TMEM248: variants seen among roughly 807,000 people sequenced by gnomAD.
TMEM248 encodes transmembrane protein 248.
Under a neutral mutation model 30.3 loss-of-function variants are expected in TMEM248, and 9 were observed. That is an observed-to-expected ratio of 0.30 (90% CI 0.18 to 0.52). TMEM248 has a LOEUF of 0.52. Ranked by LOEUF, TMEM248 falls within the 20% of genes least tolerant of loss-of-function variation. TMEM248 has a pLI of 0.97. For synonymous variants in TMEM248, 184 were observed against 154.4 expected, an observed-to-expected ratio of 1.19 and a Z score of -1.42; for missense variants, 338 against 403.3, an observed-to-expected ratio of 0.84 and a Z score of 1.39.
chr7:66,936,818 A>G (rs1348715461), intron 1 of TMEM248, among the ~76,000 whole-genome samples: 1 of 151,934 alleles, frequency 6.6e-6, no homozygotes, highest in Non-Finnish European at 1.5e-5. Context: ...TTCATGTCTG[A>G]TACTATTTCT....
At chr7:66,953,488 C>G in intron 6 of TMEM248, 119 bp downstream of exon 6, 1 of 1,346,750 alleles carries the variant, frequency 7.4e-7, no homozygotes, top group Non-Finnish European at 1.0e-6. Context: ...AAATGACAGT[C>G]ATCCCTTGGT....
chr7:66,931,664 G>GAC lies in TMEM248; in HGVS notation c.-18-10183_-18-10182dup, dbSNP rs2129221532. On this transcript the variant is annotated intron_variant, in intron 1 of 6. Coordinates refer to ENST00000341567, the MANE Select transcript of TMEM248 (RefSeq NM_017994.5). Reference sequence around the variant, plus strand: ...TTATTAAAAAATTGTTTTTTGTAGAGACGGGGTCTTGTTGTGTTGGCCAGG... The same window carrying GAC: ...TTATTAAAAAATTGTTTTTTGTAGAGACACGGGGTCTTGTTGTGTTGGCCAGG... Among the ~76,000 whole-genome samples, 4 of 151,924 alleles carry GAC rather than the reference G, an allele frequency of 2.6e-5. 1 individual carries two copies. In the South Asian group the frequency reaches 8.3e-4, roughly 32 times the overall value.
At chr7:66,943,761 G>A (rs923849731) in intron 2 of TMEM248, among the ~76,000 whole-genome samples, 19 of 151,898 alleles carry the variant, frequency 1.3e-4, no homozygotes, top group African/African-American at 4.3e-4. Flanking sequence ...TGTAAGGGTA[G>A]ACTTACTGGG....
intron 4 of TMEM248, among the ~76,000 whole-genome samples, chr7:66,949,141 TAAAA>T (rs530357268): frequency 1.5e-5 from 2 of 130,858 alleles, no homozygotes; most frequent in African/African-American, 2.8e-5. Flanking sequence ...TGTCTCTATT[TAAAA>T]AAAAAAAAAA....
intron 2 of TMEM248, 116 bp from the exon 3 acceptor site, chr7:66,944,860 T>C (rs921460630): frequency 3.2e-5 from 34 of 1,068,458 alleles, no homozygotes; most frequent in Non-Finnish European, 4.5e-5. Flanking sequence ...AATGATCAGC[T>C]CTGAATTGTA....
At chr7:66,937,253 T>C (rs982297692) in intron 1 of TMEM248, among the ~76,000 whole-genome samples, 6 of 152,240 alleles carry the variant, frequency 3.9e-5, no homozygotes, top group African/African-American at 1.2e-4. Flanking sequence ...TGATTTCTAG[T>C]TTTATTCCAT....
chr7:66,956,407 C>A lies in TMEM248; in HGVS notation c.*885C>A, dbSNP rs756872748. The A allele has an allele frequency of 3.3e-5, 5 of 152,174 alleles. No individual in the cohort carries two copies. The highest frequency in any genetic ancestry group is 5.9e-5 in the Non-Finnish European group (4 of 68,040). 9.4% of individuals were successfully genotyped at this position (152,174 alleles called of 1,614,324 possible). A position where few individuals can be genotyped will look rare whatever the true frequency, so the allele number is the denominator to read the frequency against. ...TCTAGAGTTAGAGTGACTGTTTGCT[C>A]TTCTGCTTTCTGGAATGCAGATGAC... On this transcript the variant is annotated 3_prime_UTR_variant, in exon 7 of 7. Coordinates refer to ENST00000341567, the MANE Select transcript of TMEM248 (RefSeq NM_017994.5).
Position 66,955,570 on chromosome 7 carries a change from T to C in TMEM248, c.*48T>C, listed in dbSNP as rs1053506694. ...AGAGAGACTGAGAGAACCATAATCC[T>C]TGCCTGCTGAACCCAGCCTGGGCCT... On this transcript the variant is annotated 3_prime_UTR_variant, in exon 7 of 7. Coordinates refer to ENST00000341567, the MANE Select transcript of TMEM248 (RefSeq NM_017994.5). The C allele has an allele frequency of 3.7e-6, 6 of 1,611,680 alleles. No homozygotes were observed. Among genetic ancestry groups the C allele is most frequent in the African/African-American group, 1.3e-5 (1 of 74,836 alleles).
At chr7:66,953,005 C>T (rs961255085) in intron 5 of TMEM248, among the ~76,000 whole-genome samples, 4 of 152,260 alleles carry the variant, frequency 2.6e-5, no homozygotes, top group East Asian at 1.9e-4. Flanking sequence ...GCTAGGAAGG[C>T]GTGGTGCTCT....
chr7:66,936,782 T>C (rs1791815453), intron 1 of TMEM248, among the ~76,000 whole-genome samples: 1 of 152,232 alleles, frequency 6.6e-6, no homozygotes, highest in Non-Finnish European at 1.5e-5. Context: ...TTTGAAGTCC[T>C]GTGATGTTGG....
At chr7:66,922,158 C>G (rs933184358) in intron 1 of TMEM248, 1 of 152,196 alleles carries the variant, frequency 6.6e-6, no homozygotes, top group Admixed American at 6.6e-5. Context: ...GGTGACAGCC[C>G]TCACTGGCTG....
At chr7:66,926,805 C>G (rs2129220396) in intron 1 of TMEM248, among the ~76,000 whole-genome samples, 1 of 152,256 alleles carries the variant, frequency 6.6e-6, no homozygotes, top group South Asian at 2.1e-4. Context: ...ATGTACGAAT[C>G]AAATACATTT....
intron 1 of TMEM248, among the ~76,000 whole-genome samples, chr7:66,923,249 G>A (rs1440209452): frequency 6.6e-6 from 1 of 151,836 alleles, no homozygotes; most frequent in African/African-American, 2.4e-5. Flanking sequence ...AGGTTCAAGC[G>A]ATTTTTCTGC....
chr7:66,925,320 CTG>C (rs945538949), intron 1 of TMEM248, among the ~76,000 whole-genome samples: 2 of 152,176 alleles, frequency 1.3e-5, no homozygotes, highest in Non-Finnish European at 2.9e-5. Context: ...CCAAAAATAA[CTG>C]TATTAACTAT....
At chr7:66,938,232 T>TG (rs1195662574) in intron 1 of TMEM248, among the ~76,000 whole-genome samples, 4 of 152,280 alleles carry the variant, frequency 2.6e-5, no homozygotes, top group Admixed American at 1.3e-4. Flanking sequence ...TTTGTGGTCT[T>TG]GTCTTCTTTC....
chr7:66,952,773 G>A (rs1792301278), intron 5 of TMEM248, among the ~76,000 whole-genome samples: 1 of 152,218 alleles, frequency 6.6e-6, no homozygotes, highest in Non-Finnish European at 1.5e-5. Flanking sequence ...CCCTGGGGAG[G>A]GGTGAGGTGC....
chr7:66,936,461 T>C (rs1158542483), intron 1 of TMEM248, among the ~76,000 whole-genome samples: 2 of 152,188 alleles, frequency 1.3e-5, no homozygotes, highest in Non-Finnish European at 2.9e-5. Flanking sequence ...TTTGCCAGTA[T>C]GTTTTGGAAG....
rs1792439391 is a variant in TMEM248, at chr7:66,957,869, A to C, written c.*2347A>C. ...TCCCAAGGCCAGGACACACACTTTA[A>C]AATCCAACATTCACCTAAGCAAGTA... On this transcript the variant is annotated 3_prime_UTR_variant, in exon 7 of 7. Transcript: ENST00000341567. 1.3e-5 allele frequency: 2 copies of C among 152,258 alleles called. No individual in the cohort carries two copies. The highest frequency in any genetic ancestry group is 4.1e-4 in the South Asian group (2 of 4,830). 9.4% of individuals were successfully genotyped at this position (152,258 alleles called of 1,614,324 possible).
intron 1 of TMEM248, among the ~76,000 whole-genome samples, chr7:66,930,109 T>C (rs1192931043): frequency 6.6e-6 from 1 of 152,090 alleles, no homozygotes; most frequent in Non-Finnish European, 1.5e-5. Flanking sequence ...GCTGCCATGC[T>C]CATACCACTG....
Sources: gnomAD v4.1 joint callset for allele counts (sites outside exome capture counted in the v4.1 genomes callset) on GRCh38, gnomAD v4.1.1 for gene constraint, MANE v1.5 for transcripts, NCBI Gene and HGNC (gene_info 2026-07-23, HGNC 2026-07-21) for gene names.